CCN4: variants seen among roughly 807,000 people sequenced by gnomAD.
CCN4 encodes CCN family member 4.
CCN4 carries 30 observed loss-of-function variants against 36.7 expected under a neutral mutation model. The observed-to-expected ratio is 0.82, with a 90% confidence interval of 0.61 to 1.11. CCN4 has a LOEUF of 1.11. Among genes scored for constraint, CCN4 ranks in the 50% least tolerant of loss-of-function variants. CCN4 has a pLI of 0.00. For synonymous variants in CCN4, 191 were observed against 195.4 expected, an observed-to-expected ratio of 0.98 and a Z score of 0.19; for missense variants, 505 against 504.9, an observed-to-expected ratio of 1.00 and a Z score of 0.00.
Position 133,220,854 on chromosome 8 carries a change from C to G in CCN4, c.610+13C>G, listed in dbSNP as rs1287453720. ...ACAGGAGCCTTCGGTGGGTGTGGGC[C>G]CGAGTGGGCTGGGGGTGGGACCCTA... On this transcript the variant is annotated intron_variant, in intron 3 of 4. Coordinates refer to ENST00000250160, the MANE Select transcript of CCN4 (RefSeq NM_003882.4). The G allele has an allele frequency of 3.8e-6, 6 of 1,590,016 alleles. No homozygotes were observed. The highest frequency in any genetic ancestry group is 5.2e-6 in the Non-Finnish European group (6 of 1,163,580).
At chr8:133,222,537 G>C (rs1854573303) in intron 3 of CCN4, among the ~76,000 whole-genome samples, 1 of 151,602 alleles carries the variant, frequency 6.6e-6, no homozygotes, top group African/African-American at 2.4e-5. Flanking sequence ...GTGATGGCTG[G>C]GATGGCCTGA....
intron 1 of CCN4, among the ~76,000 whole-genome samples, chr8:133,212,652 A>T (rs1397361388): frequency 6.6e-6 from 1 of 152,184 alleles, no homozygotes; most frequent in Non-Finnish European, 1.5e-5. Context: ...GGATTCGGGC[A>T]ATTGGTTTAA....
chr8:133,201,876 A>G (rs1258967561), intron 1 of CCN4, among the ~76,000 whole-genome samples: 1 of 151,798 alleles, frequency 6.6e-6, no homozygotes, highest in East Asian at 1.9e-4. Context: ...AAAGAAAAAA[A>G]CCCATACATG....
chr8:133,207,686 GCAAA>G (rs951630083), intron 1 of CCN4, among the ~76,000 whole-genome samples: 8 of 151,862 alleles, frequency 5.3e-5, no homozygotes, highest in Non-Finnish European at 1.0e-4. Context: ...ATGAGATAGT[GCAAA>G]CAGAGTTCTC....
chr8:133,194,361 TG>T (rs1853237060), intron 1 of CCN4, among the ~76,000 whole-genome samples: 6 of 22,808 alleles, frequency 2.6e-4, no homozygotes, highest in African/African-American at 7.4e-4. Flanking sequence ...TGGTGGTGTG[TG>T]GGGGTGTGTG....
chr8:133,213,672 T>C (rs1016542442), intron 2 of CCN4, among the ~76,000 whole-genome samples: 11 of 148,500 alleles, frequency 7.4e-5, no homozygotes, highest in Admixed American at 2.7e-4. Flanking sequence ...TCTTCTGAAA[T>C]ATAATATAGT....
Position 133,212,932 on chromosome 8 carries a change from C to G in CCN4, c.138C>G (p.Pro46=), listed in dbSNP as rs1346670425. The change falls in exon 2 of 5, where the codon CCC becomes CCG. Residue 46 remains proline (P), a synonymous_variant. Coordinates refer to ENST00000250160, the MANE Select transcript of CCN4 (RefSeq NM_003882.4). ...PAPLEDTSSR[P]QFCKWPCECP... The stretch of plus-strand genomic sequence containing the variant: ...CACTGGAGGACACCTCCTCACGCCC[C>G]CAATTCTGCAAGTGGCCATGTGAGT... 6.2e-7 allele frequency: 1 copy of G among 1,613,558 alleles called. No homozygotes were observed. Among genetic ancestry groups the G allele is most frequent in the Non-Finnish European group, 8.5e-7 (1 of 1,179,788 alleles).
In CCN4 at chr8:133,213,816, C is replaced by CTA. The variant is rs544132313; in HGVS notation, c.349+680_349+681dup. On this transcript the variant is annotated intron_variant, in intron 2 of 4. Coordinates refer to ENST00000250160, the MANE Select transcript of CCN4 (RefSeq NM_003882.4). ...CAGGGGGAAATATACTACATATACA[C>CTA]TATATATAGTAGTTAAATATACTAT... Among the ~76,000 whole-genome samples the CTA allele has an allele frequency of 6.6e-3, 955 of 143,678 alleles. 14 individuals are homozygous for CTA. The highest frequency in any genetic ancestry group is 0.023 in the African/African-American group (918 of 39,282). The allele number at this position is 143,678 out of a possible 152,430, so 94.3% of individuals were successfully genotyped here.
rs187366025 is a variant in CCN4, at chr8:133,208,483, C to G, written c.70-4381C>G. ...TAAAATCCTTCAATAAACCATTCTT[C>G]CAGACCTCAGCCCAAACCAAGGCAT... On this transcript the variant is annotated intron_variant, in intron 1 of 4. Transcript: ENST00000250160. Among the ~76,000 whole-genome samples, 8 of 152,274 alleles carry G rather than the reference C, an allele frequency of 5.3e-5. No individual in the cohort carries two copies. The East Asian group carries it at 1.5e-3, about 29-fold the overall frequency.
At chr8:133,197,016 A>G (rs1455297015) in intron 1 of CCN4, among the ~76,000 whole-genome samples, 1 of 152,158 alleles carries the variant, frequency 6.6e-6, no homozygotes, top group African/African-American at 2.4e-5. Flanking sequence ...TGGCCAGCTT[A>G]CCTGGCACAT....
intron 2 of CCN4, 34 bp from the exon 3 acceptor site, chr8:133,220,547 G>C: frequency 4.4e-6 from 7 of 1,597,654 alleles, no homozygotes; most frequent in Non-Finnish European, 6.0e-6. Context: ...GGGCACCAAG[G>C]CCACTGGGCC....
At chr8:133,226,309 A>T (rs780209806) in intron 4 of CCN4, among the ~76,000 whole-genome samples, 3 of 152,168 alleles carry the variant, frequency 2.0e-5, no homozygotes, top group Non-Finnish European at 4.4e-5. Context: ...TTTCTTAGGG[A>T]TGTTGAGGAC....
At chr8:133,220,142 G>T (rs563927771) in intron 2 of CCN4, among the ~76,000 whole-genome samples, 18 of 152,242 alleles carry the variant, frequency 1.2e-4, no homozygotes, top group Non-Finnish European at 2.2e-4. Context: ...CACATAGAAG[G>T]CTCCATGAAT....
intron 1 of CCN4, among the ~76,000 whole-genome samples, chr8:133,195,277 G>T (rs1321450718): frequency 6.9e-6 from 1 of 145,840 alleles, no homozygotes; most frequent in Non-Finnish European, 1.5e-5. Flanking sequence ...TGTGTGGGTG[G>T]TGTGTGTGTG....
At chr8:133,217,996 G>A (rs1186343913) in intron 2 of CCN4, among the ~76,000 whole-genome samples, 1 of 148,460 alleles carries the variant, frequency 6.7e-6, no homozygotes, top group African/African-American at 2.5e-5. Flanking sequence ...GCAGAGGCAG[G>A]GTGACTCAGA....
chr8:133,219,874 T>C (rs749811248), intron 2 of CCN4, among the ~76,000 whole-genome samples: 39 of 152,290 alleles, frequency 2.6e-4, no homozygotes, highest in Non-Finnish European at 2.8e-4. Context: ...ACATGGAAAA[T>C]CAGTCAGATT....
At chr8:133,207,027 G>T (rs1321448511) in intron 1 of CCN4, among the ~76,000 whole-genome samples, 1 of 152,222 alleles carries the variant, frequency 6.6e-6, no homozygotes, top group African/African-American at 2.4e-5. Flanking sequence ...TCAGGGAGAG[G>T]TGGAGAGTGT....
intron 3 of CCN4, among the ~76,000 whole-genome samples, chr8:133,223,001 T>C (rs998530592): frequency 5.3e-5 from 8 of 151,966 alleles, no homozygotes; most frequent in Non-Finnish European, 8.8e-5. Flanking sequence ...ACCCACTAGA[T>C]GCCAGAAGCG....
chr8:133,212,588 A>G (rs1485750764), intron 1 of CCN4, among the ~76,000 whole-genome samples: 1 of 152,164 alleles, frequency 6.6e-6, no homozygotes, highest in African/African-American at 2.4e-5. Context: ...CACTCAAGAA[A>G]GGAAAGGAGC....
Sources: gnomAD v4.1 joint callset for allele counts (sites outside exome capture counted in the v4.1 genomes callset) on GRCh38, gnomAD v4.1.1 for gene constraint, MANE v1.5 for transcripts, NCBI Gene and HGNC (gene_info 2026-07-23, HGNC 2026-07-21) for gene names.